The following ACADM variants were observed in gnomAD, a reference collection of about 807,000 sequenced individuals.
ACADM encodes the protein medium-chain specific acyl-CoA dehydrogenase, mitochondrial.
ACADM carries 49 observed loss-of-function variants against 58.9 expected under a neutral mutation model. The observed-to-expected ratio is 0.83, with a 90% CI of 0.66 to 1.06. The LOEUF is 1.06. ACADM is among the 50% of genes least tolerant of loss of function. The pLI, the probability that ACADM is intolerant of heterozygous loss-of-function variation, is 0.00. For synonymous variants in ACADM, 160 were observed against 157.7 expected (o/e 1.01, Z -0.11); for missense variants, 496 against 507.0 (o/e 0.98, Z 0.21).
chr1:75,743,238 A>G (rs753104530), intron 7 of ACADM, among the ~76,000 whole-genome samples: 3 of 152,170 alleles, frequency 2.0e-5, no homozygotes, highest in Non-Finnish European at 2.9e-5. Flanking sequence ...AGAGAGGGAG[A>G]GAGCCAGGCA....
intron 6 of ACADM, among the ~76,000 whole-genome samples, chr1:75,735,241 G>C (rs954677920): frequency 6.9e-6 from 1 of 143,898 alleles, no homozygotes; most frequent in Non-Finnish European, 1.5e-5. Context: ...GCTTGAACCC[G>C]AAAAGTGGAA....
intron 6 of ACADM, among the ~76,000 whole-genome samples, chr1:75,735,833 C>G (rs1647243225): frequency 7.6e-6 from 1 of 130,930 alleles, no homozygotes; most frequent in South Asian, 3.0e-4. Flanking sequence ...CAGAGTGAGA[C>G]TCTGTCTCAA....
At chr1:75,744,804 T>C in intron 7 of ACADM, 5 of 526,164 alleles carry the variant, frequency 9.5e-6, no homozygotes, top group South Asian at 9.5e-5. Context: ...TTTTATATTA[T>C]TCCTTTTCAC....
chr1:75,736,733 T>A (rs2100378562), intron 6 of ACADM, among the ~76,000 whole-genome samples: 1 of 152,356 alleles, frequency 6.6e-6, no homozygotes, highest in African/African-American at 2.4e-5. Flanking sequence ...ATTAAAATTT[T>A]ATAACTTTTC....
intron 1 of ACADM, among the ~76,000 whole-genome samples, chr1:75,725,995 T>C (rs1423452270): frequency 6.6e-6 from 1 of 152,234 alleles, no homozygotes; most frequent in Non-Finnish European, 1.5e-5. Context: ...TGGCTAACTT[T>C]GTTATGTAAT....
At chr1:75,743,612 G>A (rs1557453209) in intron 7 of ACADM, 1 of 1,556,850 alleles carries the variant, frequency 6.4e-7, no homozygotes, top group Non-Finnish European at 8.9e-7. Context: ...ATGGCAGACA[G>A]GGGGGTTGAT....
At chr1:75,759,063 C>T (rs61622554) in intron 10 of ACADM, among the ~76,000 whole-genome samples, 37,782 of 152,090 alleles carry the variant, frequency 0.25, 5,012 homozygotes, top group Non-Finnish European at 0.3. Context: ...ACCACGAACC[C>T]ACTGGAAGGA....
intron 5 of ACADM, among the ~76,000 whole-genome samples, chr1:75,734,307 G>A (rs1647201776): frequency 6.6e-6 from 1 of 150,740 alleles, no homozygotes; most frequent in South Asian, 2.1e-4. Context: ...GGGACTACAG[G>A]CGCCCGCCAC....
chr1:75,761,528 A>G lies in ACADM; in HGVS notation c.1194+158A>G, dbSNP rs531176968. The G allele has an allele frequency of 9.6e-5, 74 of 769,906 alleles. No homozygotes were observed. The Middle Eastern group carries it at 1.5e-3, about 15-fold the overall frequency. The allele number at this position is 769,906 out of a possible 1,614,324, so 47.7% of individuals were successfully genotyped here. On this transcript the variant is annotated intron_variant, in intron 11 of 11. Coordinates refer to ENST00000370841, the MANE Select transcript of ACADM (RefSeq NM_000016.6). ...GTTTTTGGAATTAATTAATAGAAAG[A>G]AGAATGTTATTTGTGATTAAGTATA... is the stretch of plus-strand genomic sequence containing the variant.
chr1:75,743,829 G>C lies in ACADM; in HGVS notation c.600-1977G>C, dbSNP rs1647727086. Reference sequence around the variant, plus strand: ...GTGGGGTGGCCACTGCAACACTGATGTCAATATAATCCCTATATACCACCT... The same window carrying C: ...GTGGGGTGGCCACTGCAACACTGATCTCAATATAATCCCTATATACCACCT... On this transcript the variant is annotated intron_variant, in intron 7 of 11. Transcript: ENST00000370841. 4.2e-6 allele frequency: 6 copies of C among 1,418,152 alleles called. No homozygotes were observed. In the South Asian group the frequency reaches 5.7e-5, roughly 14 times the overall value. 87.8% of individuals were successfully genotyped at this position (1,418,152 alleles called of 1,614,324 possible).
At chr1:75,753,227 A>T (rs1648301581) in intron 10 of ACADM, among the ~76,000 whole-genome samples, 1 of 152,006 alleles carries the variant, frequency 6.6e-6, no homozygotes, top group African/African-American at 2.4e-5. Flanking sequence ...AGTGATTCTC[A>T]GTTTTAGCCC....
At chr1:75,747,281 TA>T (rs1168830507) in intron 8 of ACADM, among the ~76,000 whole-genome samples, 3 of 151,528 alleles carry the variant, frequency 2.0e-5, no homozygotes, top group African/African-American at 7.3e-5. Context: ...TTTTCTCACT[TA>T]AAAAAAAATC....
chr1:75,726,197 C>T (rs1326028144), intron 1 of ACADM, among the ~76,000 whole-genome samples: 1 of 152,230 alleles, frequency 6.6e-6, no homozygotes, highest in Admixed American at 6.5e-5. Context: ...CACTTAAGGC[C>T]AGGAGTTCGA....
chr1:75,734,999 A>G (rs1160421654), intron 6 of ACADM, 128 bp downstream of exon 6: 2 of 755,126 alleles, frequency 2.6e-6, no homozygotes, highest in Non-Finnish European at 4.6e-6. Flanking sequence ...ACATATTATT[A>G]CAATGATGTG....
At chr1:75,734,705 A>AT (rs1374993482) in intron 5 of ACADM, 86 bp from the exon 6 acceptor site, 10 of 1,101,372 alleles carry the variant, frequency 9.1e-6, no homozygotes, top group Admixed American at 2.0e-5. Context: ...AAAAATAGTT[A>AT]TTTTTTCATT....
intron 7 of ACADM, among the ~76,000 whole-genome samples, chr1:75,740,594 T>G (rs1411536018): frequency 1.3e-5 from 2 of 151,996 alleles, no homozygotes; most frequent in African/African-American, 4.8e-5. Context: ...TCAAAAAATA[T>G]GAAGTTCAAC....
chr1:75,746,301 A>G (rs1201425754), intron 8 of ACADM, among the ~76,000 whole-genome samples: 1 of 152,230 alleles, frequency 6.6e-6, no homozygotes, highest in East Asian at 1.9e-4. Flanking sequence ...CCCATTTTAC[A>G]GATAAAAACA....
chr1:75,729,362 C>G (rs1647108882), intron 2 of ACADM, among the ~76,000 whole-genome samples: 1 of 138,326 alleles, frequency 7.2e-6, no homozygotes, highest in Non-Finnish European at 1.5e-5. Flanking sequence ...ATCTTGAACT[C>G]CTAGGCTCAA....
At chr1:75,747,474 T>G (rs1647963626) in intron 8 of ACADM, among the ~76,000 whole-genome samples, 1 of 152,208 alleles carries the variant, frequency 6.6e-6, no homozygotes, top group Non-Finnish European at 1.5e-5. Context: ...CAAATGGATA[T>G]TTACAAATTT....
Sources: allele counts gnomAD v4.1 joint callset (sites outside exome capture counted in the v4.1 genomes callset), GRCh38; gene constraint gnomAD v4.1.1; transcripts MANE v1.5; gene names NCBI Gene and HGNC (gene_info 2026-07-23, HGNC 2026-07-21).